COL26A1: variants seen among roughly 807,000 people sequenced by gnomAD.
COL26A1 encodes the protein collagen alpha-1(XXVI) chain.
COL26A1 carries 41 observed loss-of-function variants against 59.3 expected under a neutral mutation model. The observed-to-expected ratio is 0.69, with a 90% CI of 0.54 to 0.90. The LOEUF (loss-of-function observed/expected upper bound fraction) is 0.90. COL26A1 is among the 40% of genes least tolerant of loss of function. COL26A1 has a pLI of 0.00. For synonymous variants in COL26A1, 266 were observed against 256.0 expected (o/e 1.04, Z -0.37); for missense variants, 612 against 602.3 (o/e 1.02, Z -0.17).
chr7:101,554,552 C>T (rs904005238), intron 11 of COL26A1, among the ~76,000 whole-genome samples: 5 of 136,848 alleles, frequency 3.7e-5, no homozygotes, highest in Admixed American at 2.4e-4. Context: ...GGAAACCTAG[C>T]GAGACCCCAT....
chr7:101,527,877 G>T (rs1325859354), intron 3 of COL26A1, among the ~76,000 whole-genome samples: 1 of 152,058 alleles, frequency 6.6e-6, no homozygotes, highest in Non-Finnish European at 1.5e-5. Context: ...AGAGTAGTTC[G>T]GGCAGGGCCT....
At position 101,362,879 on chromosome 7, in the gene COL26A1, C is replaced by CCCACA. The variant is rs1397312311; in HGVS notation, c.-152_-148dup. 1 of 715,860 alleles carries CCCACA rather than the reference C, an allele frequency of 1.4e-6. No homozygotes were observed. The highest frequency in any genetic ancestry group is 1.9e-5 in the African/African-American group (1 of 52,412). 44.3% of individuals were successfully genotyped at this position (715,860 alleles called of 1,614,324 possible). A position where few individuals can be genotyped will look rare whatever the true frequency, so the allele number is the denominator to read the frequency against. On this transcript the variant is annotated 5_prime_UTR_variant, in exon 1 of 13. Coordinates refer to ENST00000313669, the MANE Select transcript of COL26A1 (RefSeq NM_001278563.3). ...CGGCCCCGGAGAGGCGTGGGCGCCC[C>CCCACA]CCACACATTTCCAGCTCGCACCCGG...
chr7:101,520,666 C>A (rs980502395), intron 3 of COL26A1, among the ~76,000 whole-genome samples: 2 of 85,110 alleles, frequency 2.3e-5, no homozygotes, highest in African/African-American at 7.9e-5. Flanking sequence ...ACACACACCC[C>A]CGTGTTCTTG....
At chr7:101,451,375 T>G (rs1319686408) in intron 3 of COL26A1, among the ~76,000 whole-genome samples, 1 of 146,990 alleles carries the variant, frequency 6.8e-6, no homozygotes, top group Non-Finnish European at 1.5e-5. Context: ...AAATTATATA[T>G]AATGTTATAT....
intron 2 of COL26A1, among the ~76,000 whole-genome samples, chr7:101,430,479 A>G (rs2130314938): frequency 6.6e-6 from 1 of 151,232 alleles, no homozygotes; most frequent in Non-Finnish European, 1.5e-5. Context: ...TTTTTTAGAG[A>G]CGGGTTTCAC....
intron 7 of COL26A1, 35 bp from the exon 8 acceptor site, chr7:101,547,121 C>T: frequency 6.8e-7 from 1 of 1,481,394 alleles, no homozygotes; most frequent in Non-Finnish European, 9.2e-7. Flanking sequence ...CAGGTCTGCC[C>T]CACCAGACCC....
At chr7:101,445,732 A>T (rs1274642413) in intron 2 of COL26A1, among the ~76,000 whole-genome samples, 1 of 13,174 alleles carries the variant, frequency 7.6e-5, no homozygotes, top group African/African-American at 9.5e-5. Flanking sequence ...ACTCCGTCTC[A>T]AAAAAAAAAA....
chr7:101,429,537 A>G (rs1450422302), intron 2 of COL26A1, among the ~76,000 whole-genome samples: 1 of 149,794 alleles, frequency 6.7e-6, no homozygotes, highest in Admixed American at 6.6e-5. Flanking sequence ...AAGTTTTGAA[A>G]TCAGATAGAT....
chr7:101,402,408 T>A (rs141448128), intron 1 of COL26A1, among the ~76,000 whole-genome samples: 1 of 152,256 alleles, frequency 6.6e-6, no homozygotes, highest in Non-Finnish European at 1.5e-5. Context: ...CAGCTTGCCG[T>A]GCCAGCTTGA....
At chr7:101,399,167 G>A (rs1387227412) in intron 1 of COL26A1, among the ~76,000 whole-genome samples, 1 of 152,028 alleles carries the variant, frequency 6.6e-6, no homozygotes. Flanking sequence ...TTAGCCAGGT[G>A]TGGTGGCGCA....
chr7:101,456,210 C>A (rs1367117414), intron 3 of COL26A1, among the ~76,000 whole-genome samples: 1 of 148,418 alleles, frequency 6.7e-6, no homozygotes, highest in East Asian at 2.0e-4. Context: ...TACTTAAATG[C>A]ACAGATTTTC....
At chr7:101,469,750 A>C (rs1187204199) in intron 3 of COL26A1, among the ~76,000 whole-genome samples, 3 of 152,028 alleles carry the variant, frequency 2.0e-5, no homozygotes, top group African/African-American at 7.2e-5. Context: ...TCAGCCTCCC[A>C]AAGTGATGGG....
At chr7:101,544,607 A>G (rs1584502598) in intron 6 of COL26A1, among the ~76,000 whole-genome samples, 1 of 144,444 alleles carries the variant, frequency 6.9e-6, no homozygotes, top group Non-Finnish European at 1.5e-5. Flanking sequence ...ATCTCAGCTC[A>G]CTGACACCTC....
At chr7:101,364,497 T>G (rs1790994166) in intron 1 of COL26A1, among the ~76,000 whole-genome samples, 1 of 151,828 alleles carries the variant, frequency 6.6e-6, no homozygotes. Context: ...GTATCTTTCC[T>G]TTAGCTGAAG....
chr7:101,373,424 T>C (rs1456728816), intron 1 of COL26A1, among the ~76,000 whole-genome samples: 5 of 152,234 alleles, frequency 3.3e-5, no homozygotes, highest in African/African-American at 1.2e-4. Context: ...GTGAAATACT[T>C]TTATTTTTCC....
At chr7:101,365,150 T>G (rs879738758) in intron 1 of COL26A1, among the ~76,000 whole-genome samples, 1 of 152,184 alleles carries the variant, frequency 6.6e-6, no homozygotes, top group Non-Finnish European at 1.5e-5. Flanking sequence ...GGGGCTTCTA[T>G]GAGGAGCATT....
chr7:101,475,465 A>T (rs1240718755), intron 3 of COL26A1, among the ~76,000 whole-genome samples: 1 of 152,054 alleles, frequency 6.6e-6, no homozygotes, highest in African/African-American at 2.4e-5. Context: ...TACCATATTT[A>T]GGGGTACAGT....
intron 11 of COL26A1, among the ~76,000 whole-genome samples, chr7:101,554,567 T>TAAAAAAAA (rs57638079): frequency 2.1e-4 from 25 of 120,504 alleles, no homozygotes; most frequent in African/African-American, 6.6e-4. Context: ...CCCCATTTCT[T>TAAAAAAAA]AAAAAAAAAA....
Position 101,364,162 on chromosome 7 carries a change from G to T in COL26A1, c.158+972G>T, listed in dbSNP as rs561158160. ...GCTCAGGGCTGCGGCTCCGGAGCCC[G>T]CATTTGAATTTCCCCAGAAAACCAT... On this transcript the variant is annotated intron_variant, in intron 1 of 12. Transcript: ENST00000313669. Among the ~76,000 whole-genome samples the T allele has an allele frequency of 3.2e-3, 483 of 152,256 alleles. 2 individuals are homozygous for T. Among genetic ancestry groups the T allele is most frequent in the African/African-American group, 0.011 (465 of 41,554 alleles).
Sources: gnomAD v4.1 joint callset for allele counts (sites outside exome capture counted in the v4.1 genomes callset) on GRCh38, gnomAD v4.1.1 for gene constraint, MANE v1.5 for transcripts, NCBI Gene and HGNC (gene_info 2026-07-23, HGNC 2026-07-21) for gene names.